Variants in FER observed in about 807,000 individuals in gnomAD.
FER encodes tyrosine-protein kinase Fer.
A neutral mutation model predicts 111.0 loss-of-function variants in FER; 63 were observed. That is an observed-to-expected ratio of 0.57 (90% CI 0.46 to 0.70). The LOEUF is 0.70. Among genes scored for constraint, FER ranks in the 30% least tolerant of loss-of-function variants. The pLI is 0.00. For missense variants in FER, 914 were observed against 954.0 expected, an observed-to-expected ratio of 0.96 and a Z score of 0.55; for synonymous variants, 327 against 313.9, an observed-to-expected ratio of 1.04 and a Z score of -0.44.
chr5:108,968,155 A>G (rs1326891653), intron 13 of FER, among the ~76,000 whole-genome samples: 1 of 152,216 alleles, frequency 6.6e-6, no homozygotes, highest in Non-Finnish European at 1.5e-5. Context: ...TTGGGAGGCA[A>G]AGGCAGGTAT....
intron 5 of FER, among the ~76,000 whole-genome samples, chr5:108,845,053 T>G (rs1182987080): frequency 5.9e-5 from 3 of 50,558 alleles, no homozygotes; most frequent in African/African-American, 1.9e-4. Context: ...TATATATATA[T>G]ATATATATAT....
chr5:108,881,911 A>G (rs1268955578), intron 8 of FER, among the ~76,000 whole-genome samples: 1 of 152,094 alleles, frequency 6.6e-6, no homozygotes, highest in African/African-American at 2.4e-5. Context: ...TGGGGTCACA[A>G]TTCAGTTCAT....
At chr5:109,136,812 C>G (rs2126608978) in intron 17 of FER, among the ~76,000 whole-genome samples, 1 of 152,116 alleles carries the variant, frequency 6.6e-6, no homozygotes, top group East Asian at 1.9e-4. Context: ...CTAGCTAATA[C>G]TGGAGACACA....
chr5:109,032,015 A>AC lies in FER; in HGVS notation c.1657-5406dup, dbSNP rs574504478. Among the ~76,000 whole-genome samples the AC allele has an allele frequency of 4.4e-4, 67 of 152,298 alleles. 1 individual carries two copies. Among genetic ancestry groups the AC allele is most frequent in the African/African-American group, 1.5e-3 (62 of 41,572 alleles). On this transcript the variant is annotated intron_variant, in intron 13 of 19. Coordinates refer to ENST00000281092, the MANE Select transcript of FER (RefSeq NM_005246.4). ...ATGTATGGAGCATAACTACCATTTT[A>AC]CATGAGTCTAATGGAATATATCCTT...
intron 13 of FER, among the ~76,000 whole-genome samples, chr5:108,999,215 A>G (rs572634655): frequency 4.9e-4 from 75 of 152,084 alleles, no homozygotes; most frequent in South Asian, 4.4e-3. Context: ...TCACTGTGCT[A>G]TTTGTACTAG....
At chr5:109,015,777 A>G (rs1404948058) in intron 13 of FER, among the ~76,000 whole-genome samples, 1 of 151,962 alleles carries the variant, frequency 6.6e-6, no homozygotes, top group Non-Finnish European at 1.5e-5. Flanking sequence ...GCCTTTTTTC[A>G]ACTTAAATTT....
At chr5:109,141,313 T>C (rs1753500417) in intron 17 of FER, among the ~76,000 whole-genome samples, 1 of 152,236 alleles carries the variant, frequency 6.6e-6, no homozygotes, top group Non-Finnish European at 1.5e-5. Flanking sequence ...TCACAAGAGC[T>C]TTAAGTTATG....
chr5:108,807,969 G>A (rs1209693032), intron 3 of FER, among the ~76,000 whole-genome samples: 1 of 149,986 alleles, frequency 6.7e-6, no homozygotes, highest in Non-Finnish European at 1.5e-5. Context: ...TTTCACTGTG[G>A]CCCAAGAGTG....
At chr5:108,905,700 T>C (rs961421867) in intron 10 of FER, among the ~76,000 whole-genome samples, 6 of 152,164 alleles carry the variant, frequency 3.9e-5, no homozygotes, top group Non-Finnish European at 5.9e-5. Flanking sequence ...GAATTTTGAC[T>C]TGTATGTATT....
At position 108,871,358 on chromosome 5, in the gene FER, T is replaced by C. The variant is rs959771038; in HGVS notation, c.666-7T>C. Reference sequence around the variant, plus strand: ...AAAATGCTGCAAAATTTTATTTTTGTTTTCAGCAAAGGTATATTTGATGAA... The same window carrying C: ...AAAATGCTGCAAAATTTTATTTTTGCTTTCAGCAAAGGTATATTTGATGAA... On this transcript the variant is annotated splice_polypyrimidine_tract_variant and splice_region_variant and intron_variant, in intron 6 of 19. Transcript: ENST00000281092. The C allele has an allele frequency of 1.3e-6, 2 of 1,598,014 alleles. No homozygotes were observed. Among genetic ancestry groups the C allele is most frequent in the Non-Finnish European group, 8.5e-7 (1 of 1,173,514 alleles).
chr5:109,102,184 T>C (rs753659295), intron 17 of FER, among the ~76,000 whole-genome samples: 1 of 152,152 alleles, frequency 6.6e-6, no homozygotes, highest in African/African-American at 2.4e-5. Flanking sequence ...TAAATCATAA[T>C]ATTATCTGCT....
intron 10 of FER, among the ~76,000 whole-genome samples, chr5:108,917,984 A>G (rs1183900860): frequency 6.6e-6 from 1 of 152,186 alleles, no homozygotes; most frequent in Non-Finnish European, 1.5e-5. Context: ...GAGGTAGCTA[A>G]TGACAACAAC....
At chr5:108,879,235 T>A (rs749635203) in intron 8 of FER, among the ~76,000 whole-genome samples, 1 of 152,066 alleles carries the variant, frequency 6.6e-6, no homozygotes, top group Non-Finnish European at 1.5e-5. Flanking sequence ...CTGTTACTAT[T>A]TTTTATGCTA....
chr5:109,108,472 A>T (rs1336920233), intron 17 of FER, among the ~76,000 whole-genome samples: 1 of 152,132 alleles, frequency 6.6e-6, no homozygotes, highest in East Asian at 1.9e-4. Context: ...AGAATCTTTT[A>T]TAGATCCTAT....
At chr5:109,088,634 CAA>C (rs566486896) in intron 16 of FER, among the ~76,000 whole-genome samples, 33 of 152,008 alleles carry the variant, frequency 2.2e-4, no homozygotes, top group Non-Finnish European at 4.1e-4. Context: ...TTGAGGAAGT[CAA>C]AGTTTTATTG....
chr5:109,165,163 A>G (rs1472219219), intron 17 of FER, among the ~76,000 whole-genome samples: 1 of 152,142 alleles, frequency 6.6e-6, no homozygotes, highest in African/African-American at 2.4e-5. Context: ...AGTGCTACAT[A>G]TATATTTTTT....
rs538046304 is a variant in FER, at chr5:109,012,338, A to G, written c.1657-25084A>G. On this transcript the variant is annotated intron_variant, in intron 13 of 19. Coordinates refer to ENST00000281092, the MANE Select transcript of FER (RefSeq NM_005246.4). ...GTTGTGGAGAATTGGTGAGTTGCTT[A>G]TTTAGTATGTTTTTCATGGGAGGGA... Among the ~76,000 whole-genome samples the G allele has an allele frequency of 4.6e-5, 7 of 152,254 alleles. No individual in the cohort carries two copies. The East Asian group carries it at 1.4e-3, about 29-fold the overall frequency.
intron 16 of FER, among the ~76,000 whole-genome samples, chr5:109,075,122 C>T (rs1362409821): frequency 6.6e-6 from 1 of 152,152 alleles, no homozygotes; most frequent in Non-Finnish European, 1.5e-5. Context: ...CCTTGCAAAT[C>T]CTTCAACCCT....
chr5:108,860,306 C>T (rs997204022), intron 5 of FER, among the ~76,000 whole-genome samples: 1 of 151,978 alleles, frequency 6.6e-6, no homozygotes, highest in Admixed American at 6.5e-5. Context: ...TTTTGTCTTT[C>T]CAAATTCTGT....
Sources: gnomAD v4.1 joint callset for allele counts (sites outside exome capture counted in the v4.1 genomes callset) on GRCh38, gnomAD v4.1.1 for gene constraint, MANE v1.5 for transcripts, NCBI Gene and HGNC (gene_info 2026-07-23, HGNC 2026-07-21) for gene names.